Variants in SLC6A17 observed in about 807,000 individuals in gnomAD.
SLC6A17 encodes solute carrier family 6 member 17, also known as sodium-dependent neutral amino acid transporter SLC6A17.
A neutral mutation model predicts 64.5 loss-of-function variants in SLC6A17; 21 were observed. The ratio of observed to expected loss-of-function variants is 0.33; its 90% CI spans 0.23 to 0.47. The LOEUF is 0.47. Ranked by LOEUF, SLC6A17 falls within the 20% of genes least tolerant of loss-of-function variation. The pLI, the probability that SLC6A17 is intolerant of heterozygous loss-of-function variation, is 1.00. For synonymous variants in SLC6A17, 372 were observed against 399.5 expected (o/e 0.93, Z 0.82); for missense variants, 682 against 963.2 (o/e 0.71, Z 3.86).
chr1:110,164,125 C>T (rs1310543238), intron 1 of SLC6A17, among the ~76,000 whole-genome samples: 1 of 152,202 alleles, frequency 6.6e-6, no homozygotes, highest in African/African-American at 2.4e-5. Flanking sequence ...GCTGCTGTAT[C>T]CCTCACACCT....
rs1342450440 is a variant in SLC6A17, at chr1:110,150,596, C to CAGTCTTCG, written c.-374_-367dup. On this transcript the variant is annotated 5_prime_UTR_variant, in exon 1 of 12. Coordinates refer to ENST00000331565, the MANE Select transcript of SLC6A17 (RefSeq NM_001010898.4). ...GCGCAGGGAGGGCGGCACTCGGCCCCAGTCTTCGCAATCCCGCGCGCTCTC... is the reference window on the plus strand; with the variant it reads ...GCGCAGGGAGGGCGGCACTCGGCCCCAGTCTTCGAGTCTTCGCAATCCCGCGCGCTCTC... 9 of 152,332 alleles carry CAGTCTTCG rather than the reference C, an allele frequency of 5.9e-5. No individual in the cohort carries two copies. The highest frequency in any genetic ancestry group is 2.2e-4 in the African/African-American group (9 of 41,470). 9.4% of individuals were successfully genotyped at this position (152,332 alleles called of 1,614,324 possible).
At chr1:110,168,593 C>T (rs1656136504) in intron 2 of SLC6A17, among the ~76,000 whole-genome samples, 2 of 152,220 alleles carry the variant, frequency 1.3e-5, no homozygotes, top group African/African-American at 4.8e-5. Flanking sequence ...TGATGTAAGA[C>T]TAGCCCAAAG....
rs917844312 is a variant in SLC6A17, at chr1:110,192,986, G to T, written c.1299+288G>T. Among the ~76,000 whole-genome samples the T allele has an allele frequency of 2.0e-5, 3 of 152,202 alleles. No homozygotes were observed. The highest frequency in any genetic ancestry group is 7.2e-5 in the African/African-American group (3 of 41,436). On this transcript the variant is annotated intron_variant, in intron 8 of 11. Coordinates refer to ENST00000331565, the MANE Select transcript of SLC6A17 (RefSeq NM_001010898.4). This position sits in a 1 kb window ranked among gnomAD's most constrained non-coding sequence, Gnocchi z 4.3. ...TTTCCATTTACTGAGTGGGCTTCTCGTGCATCAGTCACTGCCACAGGTAAT... is the reference window on the plus strand; with the variant it reads ...TTTCCATTTACTGAGTGGGCTTCTCTTGCATCAGTCACTGCCACAGGTAAT...
chr1:110,181,088 T>C (rs1656511879), intron 6 of SLC6A17, among the ~76,000 whole-genome samples: 1 of 152,238 alleles, frequency 6.6e-6, no homozygotes, highest in South Asian at 2.1e-4. Context: ...TGTTGACGGC[T>C]AATGAACTTC....
At chr1:110,167,355 G>T (rs761042076) in intron 2 of SLC6A17, 140 bp downstream of exon 2, 9 of 1,095,760 alleles carry the variant, frequency 8.2e-6, no homozygotes, top group Non-Finnish European at 1.1e-5. Flanking sequence ...GACAGCCCAG[G>T]AATAGCTATA....
intron 6 of SLC6A17, chr1:110,178,713 A>T (rs1557836102): frequency 6.5e-6 from 1 of 152,738 alleles, no homozygotes; most frequent in Non-Finnish European, 1.5e-5. Flanking sequence ...GTGCTTTCTC[A>T]CTGCATCCTC....
At chr1:110,169,404 T>C (rs1570985510) in intron 2 of SLC6A17, among the ~76,000 whole-genome samples, 1 of 152,200 alleles carries the variant, frequency 6.6e-6, no homozygotes, top group South Asian at 2.1e-4. Context: ...TGGTCAAATA[T>C]CAGCAATTTT....
At chr1:110,196,754 C>A (rs1484750981) in intron 10 of SLC6A17, among the ~76,000 whole-genome samples, 2 of 152,122 alleles carry the variant, frequency 1.3e-5, no homozygotes, top group African/African-American at 4.8e-5. Flanking sequence ...AGCTATAGAT[C>A]TAATAACAGT....
At chr1:110,182,512 A>G (rs1656558345) in intron 6 of SLC6A17, among the ~76,000 whole-genome samples, 1 of 151,942 alleles carries the variant, frequency 6.6e-6, no homozygotes, top group Admixed American at 6.6e-5. Flanking sequence ...AATCACCTAG[A>G]GAATGAACAA....
In SLC6A17 at chr1:110,194,647, G is replaced by T. The variant is rs62636568; in HGVS notation, c.1368G>T (p.Pro456=). ...TEAMTHFPAS[P]FWSVMFFLML... is the part of the protein sequence containing the mutation. ...CCATGACGCACTTCCCCGCCTCCCC[G>T]TTCTGGTCCGTCATGTTCTTCTTGA... The change falls in exon 9 of 12, where the codon CCG becomes CCT. Residue 456 remains proline, a synonymous_variant. Coordinates refer to ENST00000331565, the MANE Select transcript of SLC6A17 (RefSeq NM_001010898.4). 2 of 1,614,160 alleles carry T rather than the reference G, an allele frequency of 1.2e-6. No homozygotes were observed. The highest frequency in any genetic ancestry group is 1.7e-6 in the Non-Finnish European group (2 of 1,180,046).
chr1:110,151,836 C>T (rs1199513710), intron 1 of SLC6A17, among the ~76,000 whole-genome samples: 1 of 151,368 alleles, frequency 6.6e-6, no homozygotes, highest in Non-Finnish European at 1.5e-5. Flanking sequence ...TTTTGGATTA[C>T]GAGATTTCTA....
chr1:110,162,833 C>A (rs1655951449), intron 1 of SLC6A17, among the ~76,000 whole-genome samples: 1 of 151,922 alleles, frequency 6.6e-6, no homozygotes, highest in Non-Finnish European at 1.5e-5. Context: ...GTTCTAAGAC[C>A]AGTACAATGT....
Position 110,192,676 on chromosome 1 carries a change from T to C in SLC6A17, c.1277T>C (p.Leu426Pro), listed in dbSNP as rs1656863209. ...QFSALGLDPC[L>P]LEDELDKSVQ... ...TCAGCCCTGGGCCTTGACCCCTGCC[T>C]TCTGGAGGACGAGCTGGACAAGGTG... The change falls in exon 8 of 12, where the codon CTT becomes CCT. Residue 426 changes from leucine (L) to proline (P), a missense_variant. Coordinates refer to ENST00000331565, the MANE Select transcript of SLC6A17 (RefSeq NM_001010898.4). The surrounding 1 kb of genome is among the most constrained non-coding windows in gnomAD (Gnocchi z 4.3). The C allele has an allele frequency of 1.2e-6, 2 of 1,613,492 alleles. No homozygotes were observed. Among genetic ancestry groups the C allele is most frequent in the Admixed American group, 1.7e-5 (1 of 59,952 alleles).
chr1:110,184,942 G>T (rs1451386177), intron 6 of SLC6A17, among the ~76,000 whole-genome samples: 1 of 152,154 alleles, frequency 6.6e-6, no homozygotes, highest in Non-Finnish European at 1.5e-5. Flanking sequence ...CTGAGGGATC[G>T]GGGTGTGCAT....
intron 1 of SLC6A17, among the ~76,000 whole-genome samples, chr1:110,160,356 G>A (rs1008198358): frequency 2.0e-5 from 3 of 152,226 alleles, no homozygotes; most frequent in Non-Finnish European, 4.4e-5. Flanking sequence ...TTTCAACATG[G>A]CAAGCAGGTT....
At chr1:110,168,893 C>T (rs1656144102) in intron 2 of SLC6A17, among the ~76,000 whole-genome samples, 1 of 152,204 alleles carries the variant, frequency 6.6e-6, no homozygotes, top group South Asian at 2.1e-4. Context: ...AAGAACTACC[C>T]TAGAGGAAAA....
chr1:110,195,317 C>T (rs959013801), intron 9 of SLC6A17, among the ~76,000 whole-genome samples: 1 of 152,246 alleles, frequency 6.6e-6, no homozygotes, highest in East Asian at 1.9e-4. Context: ...TTAAGTAGCG[C>T]ACCTGCCACG....
At chr1:110,197,702 A>C in intron 11 of SLC6A17, 103 bp downstream of exon 11, 1 of 1,319,516 alleles carries the variant, frequency 7.6e-7, no homozygotes, top group South Asian at 1.5e-5. Flanking sequence ...GCTATGTGCC[A>C]GGCCTTGCCA....
intron 1 of SLC6A17, among the ~76,000 whole-genome samples, chr1:110,156,416 A>T (rs1211785973): frequency 6.6e-6 from 1 of 152,150 alleles, no homozygotes; most frequent in African/African-American, 2.4e-5. Context: ...GTAGCCTGGG[A>T]TGGCCTAGCA....
Sources: allele counts gnomAD v4.1 joint callset (sites outside exome capture counted in the v4.1 genomes callset), GRCh38; gene constraint gnomAD v4.1.1; non-coding constraint Gnocchi (gnomAD v3.1); transcripts MANE v1.5; gene names NCBI Gene and HGNC (gene_info 2026-07-23, HGNC 2026-07-21).